TBCK: variants seen among roughly 807,000 people sequenced by gnomAD.
TBCK encodes TBC1 domain containing kinase, also known as TBC domain-containing protein kinase-like protein.
In TBCK, 99 loss-of-function variants were observed where a neutral mutation model predicts 113.4. The ratio of observed to expected loss-of-function variants is 0.87; its 90% CI spans 0.74 to 1.03. The LOEUF (loss-of-function observed/expected upper bound fraction) is 1.03, where lower values mean the gene tolerates loss of function less well. TBCK is among the 50% of genes least tolerant of loss of function. The pLI is 0.00. For synonymous variants in TBCK, 369 were observed against 370.8 expected (o/e 1.00, Z 0.05); for missense variants, 1,045 against 1,061.3 (o/e 0.98, Z 0.21).
At chr4:106,273,153 C>G (rs1560948055) in intron 3 of TBCK, among the ~76,000 whole-genome samples, 1 of 152,124 alleles carries the variant, frequency 6.6e-6, no homozygotes, top group Non-Finnish European at 1.5e-5. Context: ...AAATTCAACC[C>G]TTGGCTTTAC....
chr4:106,246,624 T>C (rs1490413869), intron 10 of TBCK, among the ~76,000 whole-genome samples: 1 of 152,076 alleles, frequency 6.6e-6, no homozygotes, highest in Admixed American at 6.6e-5. Flanking sequence ...AAGCACTTGT[T>C]TAAAGGCTAG....
chr4:106,215,147 T>C (rs1463867468), intron 19 of TBCK, among the ~76,000 whole-genome samples: 2 of 151,136 alleles, frequency 1.3e-5, no homozygotes, highest in Non-Finnish European at 2.9e-5. Flanking sequence ...ATAAAATACT[T>C]TACAGACAAG....
intron 24 of TBCK, among the ~76,000 whole-genome samples, chr4:106,109,685 C>G (rs893292623): frequency 6.6e-6 from 1 of 152,110 alleles, no homozygotes; most frequent in African/African-American, 2.4e-5. Context: ...GGAAGACAAC[C>G]TAGGCAATAC....
At chr4:106,201,630 G>A (rs1754895943) in intron 20 of TBCK, among the ~76,000 whole-genome samples, 1 of 151,838 alleles carries the variant, frequency 6.6e-6, no homozygotes, top group Non-Finnish European at 1.5e-5. Flanking sequence ...CCTTCCATGT[G>A]GTCTGGTAAT....
chr4:106,217,573 AACAG>A (rs1560842262), intron 19 of TBCK, among the ~76,000 whole-genome samples: 3 of 151,846 alleles, frequency 2.0e-5, no homozygotes, highest in African/African-American at 4.8e-5. Flanking sequence ...ATACACCAAC[AACAG>A]ACAAACAGAG....
chr4:106,289,021 AT>A (rs1765401969), intron 3 of TBCK, among the ~76,000 whole-genome samples: 1 of 152,234 alleles, frequency 6.6e-6, no homozygotes, highest in Admixed American at 6.5e-5. Flanking sequence ...GGAAAAACAA[AT>A]CCCAAATCCG....
In TBCK at chr4:106,102,107, T is replaced by G. The variant is rs755116901; in HGVS notation, c.2412-6466A>C. On this transcript the variant is annotated intron_variant, in intron 24 of 25. Transcript: ENST00000394708. ...CGTGATTTCAACAAAAACTGTTGTT[T>G]TGCCTCTCTGAGCCTTTGGCTTTAA... is the stretch of plus-strand genomic sequence containing the variant. Among the ~76,000 whole-genome samples, 5 of 152,368 alleles carry G rather than the reference T, an allele frequency of 3.3e-5. No homozygotes were observed. The South Asian group carries it at 1.0e-3, about 32-fold the overall frequency.
chr4:106,273,640 A>T (rs73838194), intron 3 of TBCK, among the ~76,000 whole-genome samples: 2,770 of 152,342 alleles, frequency 0.018, 80 homozygotes, highest in African/African-American at 0.061. Context: ...AGGGAGACAC[A>T]TAGACGAGAA....
chr4:106,298,578 C>T (rs941748857), intron 2 of TBCK, among the ~76,000 whole-genome samples: 3 of 152,044 alleles, frequency 2.0e-5, no homozygotes, highest in African/African-American at 7.2e-5. Context: ...CCACTGCACT[C>T]CAGCCTGGGC....
rs34322527 is a variant in TBCK at position 106,145,020 on chromosome 4, C to CAAAA, written c.2235+26071_2235+26074dup. Among the ~76,000 whole-genome samples the CAAAA allele has an allele frequency of 5.6e-5, 5 of 88,720 alleles. 1 individual carries two copies. Among genetic ancestry groups the CAAAA allele is most frequent in the East Asian group, 7.6e-4 (2 of 2,616 alleles). The allele number at this position is 88,720 out of a possible 152,430, so 58.2% of individuals were successfully genotyped here. On this transcript the variant is annotated intron_variant, in intron 23 of 25. Transcript: ENST00000394708. ...GGGCAACAAGAGTGAAACTCCGTGT[C>CAAAA]AAAAAAAAAAAAAAAAAGGCCAGGT...
At chr4:106,124,300 G>T (rs1744864372) in intron 23 of TBCK, among the ~76,000 whole-genome samples, 2 of 152,168 alleles carry the variant, frequency 1.3e-5, no homozygotes, top group Non-Finnish European at 2.9e-5. Flanking sequence ...ACCACAATGA[G>T]ATACCATCTC....
chr4:106,227,365 GT>G (rs1189647292), intron 19 of TBCK, among the ~76,000 whole-genome samples: 1 of 145,838 alleles, frequency 6.9e-6, no homozygotes, highest in Non-Finnish European at 1.5e-5. Context: ...AAAAACAAAT[GT>G]TTTTATGTGC....
chr4:106,310,223 T>G (rs965010843), intron 1 of TBCK: 2 of 152,092 alleles, frequency 1.3e-5, no homozygotes, highest in African/African-American at 2.4e-5. Flanking sequence ...GTATAAACCC[T>G]TAACAAGGAA....
At chr4:106,263,422 A>G (rs1762683326) in intron 3 of TBCK, among the ~76,000 whole-genome samples, 1 of 151,870 alleles carries the variant, frequency 6.6e-6, no homozygotes, top group Non-Finnish European at 1.5e-5. Flanking sequence ...ACTCAGCTAT[A>G]CTCAGTCTAT....
intron 3 of TBCK, among the ~76,000 whole-genome samples, chr4:106,284,106 CAT>C (rs1373270447): frequency 6.6e-6 from 1 of 152,028 alleles, no homozygotes; most frequent in Non-Finnish European, 1.5e-5. Context: ...TTAAACAAAA[CAT>C]GTAAAACAGG....
intron 14 of TBCK, among the ~76,000 whole-genome samples, chr4:106,235,635 T>TG (rs1336257686): frequency 6.6e-6 from 1 of 152,004 alleles, no homozygotes; most frequent in Non-Finnish European, 1.5e-5. Flanking sequence ...TTTGATGCTC[T>TG]GGGGGGATTT....
At chr4:106,077,874 C>T (rs1304805667) in intron 25 of TBCK, among the ~76,000 whole-genome samples, 2 of 152,302 alleles carry the variant, frequency 1.3e-5, no homozygotes, top group South Asian at 2.1e-4. Flanking sequence ...GCACATGGCA[C>T]ATACTTTAAG....
chr4:106,194,757 A>G lies in TBCK; in HGVS notation c.1861-3T>C, dbSNP rs375424316. 6.3e-7 allele frequency: 1 copy of G among 1,579,056 alleles called. No homozygotes were observed. Among genetic ancestry groups the G allele is most frequent in the Non-Finnish European group, 8.6e-7 (1 of 1,168,222 alleles). ...AGAAACCAAGGGATGGCATAGAGCTATGAGTGGAAAAAGGGGTACAGGGAA... is the reference window on the plus strand; with the variant it reads ...AGAAACCAAGGGATGGCATAGAGCTGTGAGTGGAAAAAGGGGTACAGGGAA... On this transcript the variant is annotated splice_region_variant and splice_polypyrimidine_tract_variant and intron_variant, in intron 20 of 25. Transcript: ENST00000394708.
chr4:106,199,121 C>T (rs1312089712), intron 20 of TBCK, among the ~76,000 whole-genome samples: 1 of 152,132 alleles, frequency 6.6e-6, no homozygotes, highest in Non-Finnish European at 1.5e-5. Flanking sequence ...ATTAAATAGT[C>T]TCTCAACCCA....
Sources: allele counts gnomAD v4.1 joint callset (sites outside exome capture counted in the v4.1 genomes callset), GRCh38; gene constraint gnomAD v4.1.1; transcripts MANE v1.5; gene names NCBI Gene and HGNC (gene_info 2026-07-23, HGNC 2026-07-21).